The following NEMP2 variants were observed in gnomAD, a reference collection of about 807,000 sequenced individuals.
The protein encoded by NEMP2 is UPF0571 transmembrane protein.
Under a neutral mutation model 54.2 loss-of-function variants are expected in NEMP2, and 53 were observed. The ratio of observed to expected loss-of-function variants is 0.98; its 90% CI spans 0.78 to 1.23. The LOEUF is 1.23. NEMP2 is among the 50% of genes most tolerant of loss of function. NEMP2 has a pLI of 0.00. For synonymous variants in NEMP2, 197 were observed against 190.3 expected (o/e 1.04, Z -0.29); for missense variants, 455 against 511.3 (o/e 0.89, Z 1.06).
rs918596154 is a variant in NEMP2 at position 190,533,493 on chromosome 2, A to C, written c.97+1066T>G. On this transcript the variant is annotated intron_variant, in intron 1 of 8. Coordinates refer to ENST00000409150, the MANE Select transcript of NEMP2 (RefSeq NM_001142645.2). This position sits in a 1 kb window ranked among gnomAD's most constrained non-coding sequence, Gnocchi z 4.3. Reference sequence around the variant, plus strand: ...CCTAGCACATACTGAACACTCAAAAAATTTCTCTTCAATGAAAACTGGAAT... The same window carrying C: ...CCTAGCACATACTGAACACTCAAAACATTTCTCTTCAATGAAAACTGGAAT... Among the ~76,000 whole-genome samples the C allele has an allele frequency of 1.5e-4, 23 of 152,214 alleles. No homozygotes were observed. Among genetic ancestry groups the C allele is most frequent in the African/African-American group, 5.3e-4 (22 of 41,444 alleles).
the NEMP2 span, among the ~76,000 whole-genome samples, chr2:190,600,236 G>C: frequency 2.6e-5 from 4 of 151,996 alleles, no homozygotes; most frequent in South Asian, 6.2e-4. The surrounding 1 kb of genome is among the most constrained non-coding windows in gnomAD (Gnocchi z 4.9). Context: ...CTTGATTATT[G>C]GCTCTTCAAG....
the NEMP2 span, among the ~76,000 whole-genome samples, chr2:190,422,897 T>C: frequency 6.6e-6 from 1 of 152,170 alleles, no homozygotes; most frequent in Non-Finnish European, 1.5e-5. Flanking sequence ...TCTTTTTTTT[T>C]CTTCATATTA....
At chr2:190,563,581 T>C in the NEMP2 span, among the ~76,000 whole-genome samples, 1 of 151,784 alleles carries the variant, frequency 6.6e-6, no homozygotes, top group Non-Finnish European at 1.5e-5. The surrounding 1 kb of genome is among the most constrained non-coding windows in gnomAD (Gnocchi z 4.3). Context: ...TTTCTATTTT[T>C]GAAAACTCTA....
the NEMP2 span, among the ~76,000 whole-genome samples, chr2:190,472,746 A>T: frequency 1.1e-4 from 16 of 152,164 alleles, no homozygotes; most frequent in African/African-American, 3.9e-4. Flanking sequence ...AGCCACAAAG[A>T]TACTCCTCGA....
intron 2 of NEMP2, among the ~76,000 whole-genome samples, chr2:190,524,101 C>T (rs1231324025): frequency 6.6e-6 from 1 of 151,096 alleles, no homozygotes; most frequent in Non-Finnish European, 1.5e-5. Context: ...CAAGTAGTTC[C>T]AGCTACTTGA....
chr2:190,527,458 C>G lies in NEMP2; in HGVS notation c.98-2080G>C, dbSNP rs533757654. On this transcript the variant is annotated intron_variant, in intron 1 of 8. Coordinates refer to ENST00000409150, the MANE Select transcript of NEMP2 (RefSeq NM_001142645.2). The surrounding 1 kb of genome is among the most constrained non-coding windows in gnomAD (Gnocchi z 4.0). ...GTTTTCCGGTGGCCACACGAAGCAG[C>G]AAAATTACACAAGGACCCAACGTAT... Among the ~76,000 whole-genome samples the G allele has an allele frequency of 1.3e-5, 2 of 152,102 alleles. No homozygotes were observed. Among genetic ancestry groups the G allele is most frequent in the Non-Finnish European group, 2.9e-5 (2 of 68,018 alleles).
At chr2:190,499,801 A>G, downstream of NEMP2, 5 of 1,521,148 alleles carry the variant, frequency 3.3e-6, no homozygotes, top group Non-Finnish European at 4.4e-6. This position sits in a 1 kb window ranked among gnomAD's most constrained non-coding sequence, Gnocchi z 6.0. Flanking sequence ...GTCTGCTTAT[A>G]GTGTTTGTGT....
chr2:190,644,998 C>T, the NEMP2 span, among the ~76,000 whole-genome samples: 1 of 152,300 alleles, frequency 6.6e-6, no homozygotes, highest in African/African-American at 2.4e-5. This position sits in a 1 kb window ranked among gnomAD's most constrained non-coding sequence, Gnocchi z 4.4. Flanking sequence ...ACACACTCTA[C>T]AACACGGATT....
In NEMP2 at chr2:190,527,098, AG is replaced by A. The variant is rs1690967457; in HGVS notation, c.98-1721del. Among the ~76,000 whole-genome samples, 1 of 152,210 alleles carries A rather than the reference AG, an allele frequency of 6.6e-6. No homozygotes were observed. Among genetic ancestry groups the A allele is most frequent in the Non-Finnish European group, 1.5e-5 (1 of 68,044 alleles). ...CCTCCACATCTGTTCTTTAGGAAAC[AG>A]GAACAAGGAACACTTATGGGTACAC... On this transcript the variant is annotated intron_variant, in intron 1 of 8. Transcript: ENST00000409150. This position sits in a 1 kb window ranked among gnomAD's most constrained non-coding sequence, Gnocchi z 4.0.
At chr2:190,433,257 T>G in the NEMP2 span, 1 of 151,358 alleles carries the variant, frequency 6.6e-6, no homozygotes, top group African/African-American at 2.4e-5. This position sits in a 1 kb window ranked among gnomAD's most constrained non-coding sequence, Gnocchi z 4.5. Flanking sequence ...AATGTTTCTT[T>G]GAATTTTGAG....
upstream of NEMP2, among the ~76,000 whole-genome samples, chr2:190,539,563 T>C (rs1000534573): frequency 2.6e-5 from 4 of 152,192 alleles, no homozygotes; most frequent in African/African-American, 9.6e-5. The surrounding 1 kb of genome is among the most constrained non-coding windows in gnomAD (Gnocchi z 4.1). Flanking sequence ...ATAATATTAA[T>C]TATTCCAATC....
chr2:190,638,386 G>A, the NEMP2 span, among the ~76,000 whole-genome samples: 1 of 152,088 alleles, frequency 6.6e-6, no homozygotes. The surrounding 1 kb of genome is among the most constrained non-coding windows in gnomAD (Gnocchi z 5.7). Context: ...GAGTGGGAGT[G>A]GAAGGCGACA....
the NEMP2 span, among the ~76,000 whole-genome samples, chr2:190,593,132 C>T: frequency 1.3e-5 from 2 of 152,062 alleles, no homozygotes; most frequent in African/African-American, 2.4e-5. This position sits in a 1 kb window ranked among gnomAD's most constrained non-coding sequence, Gnocchi z 4.5. Context: ...GGCAAAAGGA[C>T]ATTGAAAAGA....
At chr2:190,494,801 C>G in the NEMP2 span, among the ~76,000 whole-genome samples, 2 of 152,094 alleles carry the variant, frequency 1.3e-5, no homozygotes, top group African/African-American at 4.8e-5. This position sits in a 1 kb window ranked among gnomAD's most constrained non-coding sequence, Gnocchi z 5.7. Flanking sequence ...ATCCAGCATC[C>G]CTTTATGATT....
intron 1 of NEMP2, among the ~76,000 whole-genome samples, chr2:190,532,542 G>A (rs1001563100): frequency 6.6e-6 from 1 of 152,194 alleles, no homozygotes; most frequent in African/African-American, 2.4e-5. Context: ...CTCTCAGTCA[G>A]ACAACTACCT....
chr2:190,634,615 T>C, the NEMP2 span, among the ~76,000 whole-genome samples: 1 of 152,240 alleles, frequency 6.6e-6, no homozygotes, highest in East Asian at 1.9e-4. This position sits in a 1 kb window ranked among gnomAD's most constrained non-coding sequence, Gnocchi z 6.8. Context: ...CCAACTTTCA[T>C]GACGCACTGA....
chr2:190,489,642 C>A, the NEMP2 span: 1 of 834,724 alleles, frequency 1.2e-6, no homozygotes, highest in Non-Finnish European at 1.9e-6. This position sits in a 1 kb window ranked among gnomAD's most constrained non-coding sequence, Gnocchi z 6.6. Flanking sequence ...TAATACCCAA[C>A]TACTTTTCTC....
At chr2:190,605,769 A>C in the NEMP2 span, among the ~76,000 whole-genome samples, 1 of 152,150 alleles carries the variant, frequency 6.6e-6, no homozygotes, top group African/African-American at 2.4e-5. Flanking sequence ...GCCAAATTCA[A>C]ATGTCAGTTC....
chr2:190,558,877 T>TTATGGATAGCATA, the NEMP2 span, among the ~76,000 whole-genome samples: 1 of 152,226 alleles, frequency 6.6e-6, no homozygotes, highest in African/African-American at 2.4e-5. This position sits in a 1 kb window ranked among gnomAD's most constrained non-coding sequence, Gnocchi z 4.4. Flanking sequence ...CATACACAGA[T>TTATGGATAGCATA]TATGGATAGC....
Sources: gnomAD v4.1 joint callset for allele counts (sites outside exome capture counted in the v4.1 genomes callset) on GRCh38, gnomAD v4.1.1 for gene constraint, Gnocchi (gnomAD v3.1) non-coding constraint, MANE v1.5 for transcripts, NCBI Gene and HGNC (gene_info 2026-07-23, HGNC 2026-07-21) for gene names.